The following LRBA variants were observed in gnomAD, a reference collection of about 807,000 sequenced individuals.
The protein encoded by LRBA is LPS responsive beige-like anchor protein.
A neutral mutation model predicts 330.0 loss-of-function variants in LRBA; 176 were observed. That is an observed-to-expected ratio of 0.53 (90% CI 0.47 to 0.60). The LOEUF is 0.60. LRBA is among the 20% of genes least tolerant of loss of function. LRBA has a pLI of 0.00. For missense variants in LRBA, 3,259 were observed against 3,444.8 expected (o/e 0.95, Z 1.35); for synonymous variants, 1,230 against 1,193.0 (o/e 1.03, Z -0.64).
At chr4:150,477,710 CAGTG>C (rs1350770359) in intron 42 of LRBA, among the ~76,000 whole-genome samples, 1 of 151,996 alleles carries the variant, frequency 6.6e-6, no homozygotes, top group Non-Finnish European at 1.5e-5. Context: ...GTTCTCATGA[CAGTG>C]AGTGAGTTTT....
At chr4:150,544,208 A>ACCT (rs1765614078) in intron 40 of LRBA, among the ~76,000 whole-genome samples, 1 of 150,804 alleles carries the variant, frequency 6.6e-6, no homozygotes, top group African/African-American at 2.4e-5. Flanking sequence ...GCTCACTGCA[A>ACCT]CCTCCTCCTC....
Position 150,870,622 on chromosome 4 carries a change from A to C in LRBA, c.2368-16T>G, listed in dbSNP as rs775661023. The C allele has an allele frequency of 3.3e-6, 4 of 1,197,292 alleles. No homozygotes were observed. Among genetic ancestry groups the C allele is most frequent in the Non-Finnish European group, 5.0e-6 (4 of 804,198 alleles). The allele number at this position is 1,197,292 out of a possible 1,614,324, so 74.2% of individuals were successfully genotyped here. The stretch of plus-strand genomic sequence containing the variant: ...CTATAAGAATCTACAGAAGTAAAAC[A>C]ATGGATTACATTAGCAAATCACTGG... On this transcript the variant is annotated splice_polypyrimidine_tract_variant and intron_variant, in intron 19 of 56. Coordinates refer to ENST00000651943, the MANE Select transcript of LRBA (RefSeq NM_001364905.1).
chr4:150,689,830 T>C lies in LRBA; in HGVS notation c.5755-6113A>G, dbSNP rs940239794. Reference sequence around the variant, plus strand: ...GTCCTAGCTACTTGGGAGGCTGAGGTGGGAGGATGGCTTGAGCCCTGGAGG... The same window carrying C: ...GTCCTAGCTACTTGGGAGGCTGAGGCGGGAGGATGGCTTGAGCCCTGGAGG... On this transcript the variant is annotated intron_variant, in intron 36 of 56. Coordinates refer to ENST00000651943, the MANE Select transcript of LRBA (RefSeq NM_001364905.1). Among the ~76,000 whole-genome samples the C allele has an allele frequency of 1.5e-4, 23 of 151,676 alleles. 1 individual carries two copies. Among genetic ancestry groups the C allele is most frequent in the African/African-American group, 5.3e-4 (22 of 41,366 alleles).
At chr4:150,739,125 GAAATA>G (rs1026400267) in intron 35 of LRBA, among the ~76,000 whole-genome samples, 2 of 151,966 alleles carry the variant, frequency 1.3e-5, no homozygotes, top group African/African-American at 4.8e-5. Context: ...GAAGCAAACA[GAAATA>G]AAATAAACCT....
Position 150,916,417 on chromosome 4 carries a change from T to A in LRBA, c.878A>T (p.Asp293Val), listed in dbSNP as rs1732591714. ...ATCATGTACCTTTTGTGGCTTGAAA[T>A]CAAATTTCACACAGTGTTGAAAGCC... ...GKGFQHCVKFDFKPQKWYMVT... is the reference protein window; with the variant it reads ...GKGFQHCVKFVFKPQKWYMVT... The change falls in exon 7 of 57, where the codon GAT becomes GTT. Residue 293 changes from aspartate (D) to valine (V), a missense_variant. Asp to Val is a radical substitution (Grantham distance 152). Coordinates refer to ENST00000651943, the MANE Select transcript of LRBA (RefSeq NM_001364905.1). 3 of 1,612,916 alleles carry A rather than the reference T, an allele frequency of 1.9e-6. No homozygotes were observed. Among genetic ancestry groups the A allele is most frequent in the Non-Finnish European group, 2.5e-6 (3 of 1,179,694 alleles).
intron 36 of LRBA, among the ~76,000 whole-genome samples, chr4:150,720,669 T>A (rs181405827): frequency 6.6e-6 from 1 of 152,258 alleles, no homozygotes; most frequent in East Asian, 1.9e-4. Flanking sequence ...GTGAAAGTGG[T>A]ATTTCAAAGT....
intron 42 of LRBA, among the ~76,000 whole-genome samples, chr4:150,479,024 CTAT>C (rs2152077839): frequency 6.6e-6 from 1 of 152,194 alleles, no homozygotes; most frequent in Admixed American, 6.5e-5. Flanking sequence ...TGGCTCATGC[CTAT>C]AATCCCAGCA....
chr4:150,828,922 G>GTGTGT (rs1560878315), intron 29 of LRBA, among the ~76,000 whole-genome samples: 3,047 of 106,184 alleles, frequency 0.029, 66 homozygotes, highest in East Asian at 0.036. Context: ...CTTTTTTGGG[G>GTGTGT]GTGTGTGTGT....
chr4:150,275,172 C>G (rs574666623), intron 56 of LRBA, among the ~76,000 whole-genome samples: 1 of 152,282 alleles, frequency 6.6e-6, no homozygotes, highest in Admixed American at 6.5e-5. Context: ...GAATCAATGA[C>G]AAAAACCACA....
chr4:150,849,730 C>T (rs1489224225), intron 24 of LRBA, among the ~76,000 whole-genome samples, 155 bp from the exon 25 acceptor site: 1 of 152,190 alleles, frequency 6.6e-6, no homozygotes, highest in Non-Finnish European at 1.5e-5. Flanking sequence ...TATACTTCTT[C>T]AGAAGAAACA....
chr4:150,408,748 C>T (rs752771435), intron 47 of LRBA, among the ~76,000 whole-genome samples: 7 of 152,050 alleles, frequency 4.6e-5, no homozygotes, highest in Non-Finnish European at 7.4e-5. Context: ...GGTTTAACAA[C>T]CAAAAATCAA....
chr4:150,985,448 A>C (rs991811805), intron 2 of LRBA, among the ~76,000 whole-genome samples: 5 of 151,470 alleles, frequency 3.3e-5, no homozygotes, highest in Non-Finnish European at 5.9e-5. Flanking sequence ...CAAGATAAAA[A>C]TTTAATAAAT....
chr4:150,784,144 C>T lies in LRBA; in HGVS notation c.5580+13937G>A, dbSNP rs529388607. ...TTTATATATCCAAGGTGATTTGATA[C>T]GTGCATAAATTGTAAAATAATTAAA... On this transcript the variant is annotated intron_variant, in intron 34 of 56. Coordinates refer to ENST00000651943, the MANE Select transcript of LRBA (RefSeq NM_001364905.1). 2.6e-4 allele frequency among the ~76,000 whole-genome samples: 40 copies of T among 152,114 alleles called. 1 individual carries two copies. The highest frequency in any genetic ancestry group is 5.1e-4 in the Non-Finnish European group (35 of 68,012).
At chr4:150,799,081 T>G (rs1236981385) in intron 33 of LRBA, among the ~76,000 whole-genome samples, 1 of 152,196 alleles carries the variant, frequency 6.6e-6, no homozygotes, top group African/African-American at 2.4e-5. Context: ...CTTCCCCGTT[T>G]AAATACGAAT....
intron 40 of LRBA, among the ~76,000 whole-genome samples, chr4:150,542,126 A>G (rs575660199): frequency 1.3e-5 from 2 of 152,182 alleles, no homozygotes; most frequent in Admixed American, 6.5e-5. Flanking sequence ...CCAGCTTTTT[A>G]CTTTTGAAAT....
intron 34 of LRBA, among the ~76,000 whole-genome samples, chr4:150,767,960 A>C (rs970142272): frequency 6.8e-6 from 1 of 146,988 alleles, no homozygotes; most frequent in Non-Finnish European, 1.5e-5. Context: ...GCTACTCAAG[A>C]GGCTGAGGCA....
intron 40 of LRBA, among the ~76,000 whole-genome samples, chr4:150,494,251 A>G (rs1363175534): frequency 6.6e-6 from 1 of 152,212 alleles, no homozygotes; most frequent in African/African-American, 2.4e-5. Flanking sequence ...AAAGGGTTAA[A>G]TATCTGTTAA....
intron 48 of LRBA, among the ~76,000 whole-genome samples, chr4:150,333,568 G>A (rs1246816943): frequency 6.6e-6 from 1 of 152,094 alleles, no homozygotes; most frequent in Non-Finnish European, 1.5e-5. Flanking sequence ...TATTTAAAAA[G>A]TCACACTAAG....
rs1561012598 is a variant in LRBA at position 150,323,022 on chromosome 4, TGTG to T, written c.7453-1657_7453-1655del. 8.4e-5 allele frequency among the ~76,000 whole-genome samples: 12 copies of T among 143,300 alleles called. 2 individuals are homozygous for T. Among genetic ancestry groups the T allele is most frequent in the African/African-American group, 2.7e-4 (10 of 36,632 alleles). The allele number at this position is 143,300 out of a possible 152,430, so 94.0% of individuals were successfully genotyped here. A position where few individuals can be genotyped will look rare whatever the true frequency, so the allele number is the denominator to read the frequency against. On this transcript the variant is annotated intron_variant, in intron 49 of 56. Coordinates refer to ENST00000651943, the MANE Select transcript of LRBA (RefSeq NM_001364905.1). The stretch of plus-strand genomic sequence containing the variant: ...GTGTGTGTGTGTGTGTGTGTGTGTG[TGTG>T]GGGATGCATTGATGGTTGATGGGGG...
Sources: gnomAD v4.1 joint callset for allele counts (sites outside exome capture counted in the v4.1 genomes callset) on GRCh38, gnomAD v4.1.1 for gene constraint, MANE v1.5 for transcripts, NCBI Gene and HGNC (gene_info 2026-07-23, HGNC 2026-07-21) for gene names.